The following PTBP3 variants were observed in gnomAD, a reference collection of about 807,000 sequenced individuals.
PTBP3 encodes polypyrimidine tract binding protein 3.
In PTBP3, 20 loss-of-function variants were observed where a neutral mutation model predicts 58.7. The observed-to-expected ratio is 0.34, with a 90% CI of 0.24 to 0.50. The LOEUF (loss-of-function observed/expected upper bound fraction) is 0.50. Ranked by LOEUF, PTBP3 falls within the 20% of genes least tolerant of loss-of-function variation. The pLI is 0.98. For synonymous variants in PTBP3, 185 were observed against 219.8 expected (o/e 0.84, Z 1.40); for missense variants, 509 against 637.2 (o/e 0.80, Z 2.17).
Position 112,222,408 on chromosome 9 carries a change from GAA to G in PTBP3, c.*1441_*1442del. 1 of 985,586 alleles carries G rather than the reference GAA, an allele frequency of 1.0e-6. No individual in the cohort carries two copies. The highest frequency in any genetic ancestry group is 4.7e-5 in the South Asian group (1 of 21,284). The allele number at this position is 985,586 out of a possible 1,614,324, so 61.1% of individuals were successfully genotyped here. Reference sequence around the variant, plus strand: ...CAGTAATGAAAGTCACATTAACAAAGAAAAGCAAGTTCTCGCTTGAGGACTGA... The same window carrying G: ...CAGTAATGAAAGTCACATTAACAAAGAAGCAAGTTCTCGCTTGAGGACTGA... On this transcript the variant is annotated 3_prime_UTR_variant, in exon 14 of 14. Transcript: ENST00000374257.
At chr9:112,305,539 A>T (rs1395110615) in intron 1 of PTBP3, among the ~76,000 whole-genome samples, 2 of 152,178 alleles carry the variant, frequency 1.3e-5, no homozygotes, top group African/African-American at 4.8e-5. Context: ...CTGGGGAAGT[A>T]ATGTGTCCAC....
intron 5 of PTBP3, among the ~76,000 whole-genome samples, chr9:112,254,417 C>G (rs10981333): frequency 6.6e-6 from 1 of 151,972 alleles, no homozygotes; most frequent in African/African-American, 2.4e-5. Flanking sequence ...AACTGGACTA[C>G]CTCAAAATTA....
At chr9:112,336,104 C>T (rs552715789), upstream of PTBP3, among the ~76,000 whole-genome samples, 5 of 152,172 alleles carry the variant, frequency 3.3e-5, no homozygotes, top group African/African-American at 1.2e-4. Flanking sequence ...GAACTCCTGA[C>T]CTCAAGTGAT....
chr9:112,277,961 CATAACATAACATAACATAAT>C (rs1827697821), intron 2 of PTBP3, among the ~76,000 whole-genome samples: 1 of 133,754 alleles, frequency 7.5e-6, no homozygotes, highest in African/African-American at 3.0e-5. Context: ...CATAACATAA[CATAACATAACATAACATAAT>C]GTATATCATG....
chr9:112,305,386 C>G (rs1184353002), intron 1 of PTBP3, among the ~76,000 whole-genome samples: 1 of 151,810 alleles, frequency 6.6e-6, no homozygotes, highest in Non-Finnish European at 1.5e-5. Flanking sequence ...CCTGAAGGGG[C>G]TGGAAACTAG....
At chr9:112,253,337 G>A (rs1010623365) in intron 5 of PTBP3, among the ~76,000 whole-genome samples, 5 of 152,112 alleles carry the variant, frequency 3.3e-5, no homozygotes, top group African/African-American at 9.7e-5. Flanking sequence ...GAAGGGAAGG[G>A]GTGAGCACGA....
intron 7 of PTBP3, among the ~76,000 whole-genome samples, chr9:112,250,010 T>C (rs1383686765): frequency 1.3e-5 from 2 of 152,126 alleles, no homozygotes; most frequent in African/African-American, 4.8e-5. Context: ...ATCATTCCCT[T>C]GGCTTTTTAA....
intron 2 of PTBP3, among the ~76,000 whole-genome samples, chr9:112,297,122 C>T (rs1377676947): frequency 1.3e-5 from 2 of 152,154 alleles, no homozygotes; most frequent in Non-Finnish European, 2.9e-5. Flanking sequence ...TCACGTGGTA[C>T]CTTATGGTAC....
chr9:112,320,291 A>AAAAAAATATAT (rs1411646280), intron 1 of PTBP3, among the ~76,000 whole-genome samples: 1 of 73,566 alleles, frequency 1.4e-5, no homozygotes, highest in African/African-American at 9.0e-5. Flanking sequence ...AAAAAAAAAA[A>AAAAAAATATAT]ATATATATAT....
At chr9:112,296,236 G>A (rs527962095) in intron 2 of PTBP3, among the ~76,000 whole-genome samples, 1 of 152,062 alleles carries the variant, frequency 6.6e-6, no homozygotes, top group Non-Finnish European at 1.5e-5. Flanking sequence ...TTTAGTGTTA[G>A]GTGACAGAAT....
chr9:112,362,454 G>C, the PTBP3 span, among the ~76,000 whole-genome samples: 1 of 152,034 alleles, frequency 6.6e-6, no homozygotes, highest in Non-Finnish European at 1.5e-5. Context: ...CATTCTCTAG[G>C]TTGTCTTTTC....
At chr9:112,353,967 A>AT in the PTBP3 span, among the ~76,000 whole-genome samples, 39 of 151,150 alleles carry the variant, frequency 2.6e-4, no homozygotes, top group East Asian at 3.5e-3. Context: ...TTAAAAAAAA[A>AT]ATATATATAG....
chr9:112,269,352 T>C (rs987205253), intron 3 of PTBP3, among the ~76,000 whole-genome samples: 5 of 152,054 alleles, frequency 3.3e-5, no homozygotes, highest in Admixed American at 6.6e-5. Context: ...GAAACACTAA[T>C]AATACCCAGA....
At chr9:112,365,160 C>T in the PTBP3 span, among the ~76,000 whole-genome samples, 1 of 79,480 alleles carries the variant, frequency 1.3e-5, no homozygotes, top group Non-Finnish European at 3.2e-5. Context: ...ATATGTCTAT[C>T]TATCTATCTA....
Position 112,232,081 on chromosome 9 carries a change from T to C in PTBP3, c.1020+18A>G, listed in dbSNP as rs748762534. 2 of 1,593,950 alleles carry C rather than the reference T, an allele frequency of 1.3e-6. No individual in the cohort carries two copies. Among genetic ancestry groups the C allele is most frequent in the Non-Finnish European group, 8.5e-7 (1 of 1,172,956 alleles). ...CTTCTCCTGAAAGACTATTTACATA[T>C]AATACTTTTCAACTCACATCAGGAT... On this transcript the variant is annotated intron_variant, in intron 9 of 13. Transcript: ENST00000374257.
At position 112,246,968 on chromosome 9, in the gene PTBP3, C is replaced by T. The variant is rs368968142; in HGVS notation, c.802+3961G>A. Among the ~76,000 whole-genome samples, 17 of 152,246 alleles carry T rather than the reference C, an allele frequency of 1.1e-4. No individual in the cohort carries two copies. In the East Asian group the frequency reaches 3.3e-3, roughly 29 times the overall value. ...TATACAATGATGAGGAAAACCCAGA[C>T]ATCTATATTGAAAGACATTCTACAA... On this transcript the variant is annotated intron_variant, in intron 7 of 13. Transcript: ENST00000374257.
At chr9:112,335,709 G>A (rs1432888571), upstream of PTBP3, among the ~76,000 whole-genome samples, 1 of 143,146 alleles carries the variant, frequency 7.0e-6, no homozygotes, top group East Asian at 2.2e-4. Flanking sequence ...GATCACTTAA[G>A]GTCAGGAGTT....
At chr9:112,227,302 A>ACCT in intron 12 of PTBP3, 109 bp downstream of exon 12, 1 of 1,136,082 alleles carries the variant, frequency 8.8e-7, no homozygotes, top group Non-Finnish European at 1.3e-6. Flanking sequence ...GAAACTGTTG[A>ACCT]CCAGGACAAC....
chr9:112,268,455 G>C (rs1370049011), intron 3 of PTBP3, among the ~76,000 whole-genome samples: 1 of 152,180 alleles, frequency 6.6e-6, no homozygotes, highest in Non-Finnish European at 1.5e-5. Flanking sequence ...GCTACTTTGG[G>C]AAGACAAGGT....
Sources: allele counts gnomAD v4.1 joint callset (sites outside exome capture counted in the v4.1 genomes callset), GRCh38; gene constraint gnomAD v4.1.1; transcripts MANE v1.5; gene names NCBI Gene and HGNC (gene_info 2026-07-23, HGNC 2026-07-21).